Variants in PARD3B observed in about 807,000 individuals in gnomAD.
PARD3B encodes par-3 family cell polarity regulator beta.
Under a neutral mutation model 130.2 loss-of-function variants are expected in PARD3B, and 103 were observed. The ratio of observed to expected loss-of-function variants is 0.79; its 90% CI spans 0.67 to 0.93. The LOEUF is 0.93. Among genes scored for constraint, PARD3B ranks in the 40% least tolerant of loss-of-function variants. The pLI is 0.00. For synonymous variants in PARD3B, 583 were observed against 553.2 expected (o/e 1.05, Z -0.76); for missense variants, 1,609 against 1,499.2 (o/e 1.07, Z -1.21).
intron 15 of PARD3B, among the ~76,000 whole-genome samples, chr2:205,245,491 A>G (rs1247359425): frequency 1.3e-5 from 2 of 152,176 alleles, no homozygotes; most frequent in African/African-American, 4.8e-5. Flanking sequence ...CCTCTTGTAA[A>G]TGTGGAAGAA....
chr2:204,783,944 G>A (rs886972568), intron 2 of PARD3B, among the ~76,000 whole-genome samples: 10 of 150,546 alleles, frequency 6.6e-5, no homozygotes, highest in African/African-American at 2.2e-4. Flanking sequence ...TTTTTTCTTT[G>A]TAATTCATTC....
intron 18 of PARD3B, among the ~76,000 whole-genome samples, chr2:205,383,083 C>CATAGATAGATAGATAGATAG (rs59376156): frequency 1.1e-4 from 9 of 78,576 alleles, no homozygotes; most frequent in South Asian, 7.1e-4. Flanking sequence ...GGAAAGTTTA[C>CATAGATAGATAGATAGATAG]ATAGATAGAT....
intron 2 of PARD3B, among the ~76,000 whole-genome samples, chr2:204,727,480 T>C (rs548246040): frequency 6.6e-6 from 1 of 152,246 alleles, no homozygotes; most frequent in African/African-American, 2.4e-5. Flanking sequence ...GAATTGTCTG[T>C]GGAATGTTTG....
intron 22 of PARD3B, among the ~76,000 whole-genome samples, chr2:205,588,335 ATTTCAAT>A (rs2054268922): frequency 6.6e-6 from 1 of 152,212 alleles, no homozygotes; most frequent in Non-Finnish European, 1.5e-5. Context: ...TGTTTTCCAC[ATTTCAAT>A]TTTCAATACT....
intron 4 of PARD3B, among the ~76,000 whole-genome samples, chr2:205,085,224 T>G (rs542365146): frequency 1.2e-4 from 18 of 152,208 alleles, no homozygotes; most frequent in African/African-American, 4.3e-4. Context: ...AATATTTTAT[T>G]GACAGCCTTT....
intron 4 of PARD3B, among the ~76,000 whole-genome samples, chr2:205,050,431 A>G (rs1006602336): frequency 1.3e-5 from 2 of 151,640 alleles, no homozygotes; most frequent in East Asian, 1.9e-4. Context: ...AACTGTTAAT[A>G]TATCCTTGCA....
At chr2:205,159,033 A>G in intron 11 of PARD3B, 126 bp downstream of exon 11, 4 of 973,744 alleles carry the variant, frequency 4.1e-6, no homozygotes, top group Middle Eastern at 3.2e-4. Flanking sequence ...GCCAGATACA[A>G]AAAATATATG....
At chr2:204,854,729 A>G (rs529642222) in intron 2 of PARD3B, among the ~76,000 whole-genome samples, 4 of 152,290 alleles carry the variant, frequency 2.6e-5, no homozygotes, top group African/African-American at 9.6e-5. Flanking sequence ...AAAAGAACAA[A>G]TATTAGCAAA....
chr2:204,671,538 T>A (rs2036299989), intron 1 of PARD3B, among the ~76,000 whole-genome samples: 1 of 152,182 alleles, frequency 6.6e-6, no homozygotes, highest in South Asian at 2.1e-4. Context: ...GGATTTGACC[T>A]TCTTCCCCTC....
intron 10 of PARD3B, among the ~76,000 whole-genome samples, chr2:205,150,379 C>T (rs2033674674): frequency 2.0e-5 from 3 of 151,966 alleles, no homozygotes; most frequent in Non-Finnish European, 2.9e-5. Context: ...GCATTTAGGG[C>T]ACTTGGTAGT....
At chr2:204,720,309 T>C (rs2038934715) in intron 2 of PARD3B, among the ~76,000 whole-genome samples, 1 of 152,198 alleles carries the variant, frequency 6.6e-6, no homozygotes, top group African/African-American at 2.4e-5. Flanking sequence ...CAGTCCATGA[T>C]GTAGCTTTTG....
intron 20 of PARD3B, among the ~76,000 whole-genome samples, chr2:205,486,054 A>G (rs1161256073): frequency 6.6e-6 from 1 of 152,248 alleles, no homozygotes; most frequent in Admixed American, 6.5e-5. Context: ...CTAAGGCCAC[A>G]GCAATATTTA....
intron 4 of PARD3B, among the ~76,000 whole-genome samples, chr2:205,062,598 A>G (rs1462054794): frequency 1.3e-5 from 2 of 152,200 alleles, no homozygotes; most frequent in Non-Finnish European, 2.9e-5. Context: ...TTTGCAGGCC[A>G]GCAGTAGCAT....
intron 2 of PARD3B, among the ~76,000 whole-genome samples, chr2:204,698,087 C>G (rs1045552816): frequency 1.3e-5 from 2 of 152,080 alleles, no homozygotes; most frequent in African/African-American, 4.8e-5. Context: ...TGAGTCAACT[C>G]TCAAGACCCT....
chr2:204,731,863 C>T (rs2039523269), intron 2 of PARD3B, among the ~76,000 whole-genome samples: 1 of 152,032 alleles, frequency 6.6e-6, no homozygotes, highest in Admixed American at 6.6e-5. Flanking sequence ...TTGTATTCAC[C>T]TCTACTAATT....
At chr2:204,939,982 T>C (rs533616632) in intron 2 of PARD3B, among the ~76,000 whole-genome samples, 22 of 152,192 alleles carry the variant, frequency 1.4e-4, no homozygotes, top group Non-Finnish European at 2.6e-4. Context: ...TAGAAACAAA[T>C]TGGTAAGTTG....
At position 204,675,568 on chromosome 2, in the gene PARD3B, T is replaced by TA. The variant is rs566826896; in HGVS notation, c.121-10605dup. ...GAAATAATTAAAATTTGTTCTTTAT[T>TA]AAAAAAAAGCTCTATCTAGATCTGG... On this transcript the variant is annotated intron_variant, in intron 1 of 22. Coordinates refer to ENST00000406610, the MANE Select transcript of PARD3B (RefSeq NM_001302769.2). This position sits in a 1 kb window ranked among gnomAD's most constrained non-coding sequence, Gnocchi z 4.4. Among the ~76,000 whole-genome samples, 3 of 151,732 alleles carry TA rather than the reference T, an allele frequency of 2.0e-5. No homozygotes were observed. The highest frequency in any genetic ancestry group is 4.8e-5 in the African/African-American group (2 of 41,346).
rs145651304 is a variant in PARD3B at position 205,110,474 on chromosome 2, C to T, written c.594-3017C>T. 1.1e-3 allele frequency among the ~76,000 whole-genome samples: 173 copies of T among 152,226 alleles called. 1 individual carries two copies. The highest frequency in any genetic ancestry group is 3.8e-3 in the African/African-American group (159 of 41,566). ...CTTAGAGCATTTTGCTATTTTAATA[C>T]TAGTTGAACTAATGCTTTGTAACTA... is the stretch of plus-strand genomic sequence containing the variant. On this transcript the variant is annotated intron_variant, in intron 5 of 22. Coordinates refer to ENST00000406610, the MANE Select transcript of PARD3B (RefSeq NM_001302769.2).
intron 22 of PARD3B, among the ~76,000 whole-genome samples, chr2:205,604,776 T>C (rs1291025225): frequency 6.6e-6 from 1 of 152,214 alleles, no homozygotes; most frequent in East Asian, 1.9e-4. Flanking sequence ...GGGGAAGTTC[T>C]CCTGGATGAT....
Sources: gnomAD v4.1 joint callset for allele counts (sites outside exome capture counted in the v4.1 genomes callset) on GRCh38, gnomAD v4.1.1 for gene constraint, Gnocchi (gnomAD v3.1) non-coding constraint, MANE v1.5 for transcripts, NCBI Gene and HGNC (gene_info 2026-07-23, HGNC 2026-07-21) for gene names.